The following DUS2 variants were observed in gnomAD, a reference collection of about 807,000 sequenced individuals.
The protein encoded by DUS2 is tRNA-dihydrouridine(20) synthase [NAD(P)+]-like.
In DUS2, 52 loss-of-function variants were observed where a neutral mutation model predicts 71.3. The observed-to-expected ratio is 0.73, with a 90% CI of 0.58 to 0.92. The LOEUF (loss-of-function observed/expected upper bound fraction) is 0.92, where lower values mean the gene tolerates loss of function less well. Ranked by LOEUF, DUS2 falls within the 40% of genes least tolerant of loss-of-function variation. The pLI, the probability that DUS2 is intolerant of heterozygous loss-of-function variation, is 0.00. For missense variants in DUS2, 558 were observed against 622.6 expected (o/e 0.90, Z 1.10); for synonymous variants, 204 against 227.8 (o/e 0.90, Z 0.94).
At chr16:68,069,605 A>G (rs2034056003) in intron 10 of DUS2, among the ~76,000 whole-genome samples, 1 of 152,154 alleles carries the variant, frequency 6.6e-6, no homozygotes, top group African/African-American at 2.4e-5. Context: ...GTGGTGTGGC[A>G]GCCATGGTCC....
intron 4 of DUS2, among the ~76,000 whole-genome samples, chr16:68,050,200 C>T (rs937744514): frequency 1.1e-4 from 16 of 152,064 alleles, no homozygotes; most frequent in South Asian, 4.2e-4. Flanking sequence ...TGCAACGGCG[C>T]GGTCTTGGTT....
chr16:68,062,919 AGGGT>A (rs1237937358), intron 8 of DUS2, among the ~76,000 whole-genome samples: 1 of 152,118 alleles, frequency 6.6e-6, no homozygotes, highest in Non-Finnish European at 1.5e-5. Context: ...ACTTGTGTGC[AGGGT>A]GGAGTGGAAG....
chr16:68,055,580 C>T (rs1415770602), intron 6 of DUS2, among the ~76,000 whole-genome samples: 1 of 152,080 alleles, frequency 6.6e-6, no homozygotes. Flanking sequence ...GTTGCTTAAC[C>T]TCAATGAGAA....
intron 2 of DUS2, among the ~76,000 whole-genome samples, chr16:68,035,690 CTCT>C (rs1225221974): frequency 6.8e-6 from 1 of 147,462 alleles, no homozygotes; most frequent in African/African-American, 2.5e-5. Flanking sequence ...TGCCTGGTCT[CTCT>C]TCTTCATTCT....
At chr16:68,032,505 C>A (rs1382539420) in intron 2 of DUS2, among the ~76,000 whole-genome samples, 1 of 152,134 alleles carries the variant, frequency 6.6e-6, no homozygotes, top group Non-Finnish European at 1.5e-5. Context: ...AGCATGGGAC[C>A]AGGGACCTGA....
At chr16:68,032,282 TCA>T (rs1456481776) in intron 2 of DUS2, among the ~76,000 whole-genome samples, 2 of 152,140 alleles carry the variant, frequency 1.3e-5, no homozygotes, top group Non-Finnish European at 2.9e-5. Context: ...TGGTAAGTAT[TCA>T]GTCACACCTT....
intron 5 of DUS2, 120 bp downstream of exon 5, chr16:68,053,775 C>A: frequency 1.1e-6 from 1 of 943,006 alleles, no homozygotes; most frequent in South Asian, 1.5e-5. Flanking sequence ...CGATGGCTTC[C>A]TGAAGATTCT....
At chr16:68,047,220 T>C (rs970412788) in intron 3 of DUS2, among the ~76,000 whole-genome samples, 3 of 150,806 alleles carry the variant, frequency 2.0e-5, no homozygotes, top group Admixed American at 6.6e-5. Context: ...CACGCCTGAC[T>C]AATTTTTGTA....
intron 2 of DUS2, among the ~76,000 whole-genome samples, chr16:68,034,039 A>G (rs1567469405): frequency 6.6e-6 from 1 of 151,392 alleles, no homozygotes; most frequent in Non-Finnish European, 1.5e-5. Context: ...AAGTGTTGGG[A>G]TTATAGGCGT....
At chr16:68,033,485 T>A in intron 2 of DUS2, among the ~76,000 whole-genome samples, 1 of 151,582 alleles carries the variant, frequency 6.6e-6, no homozygotes. Context: ...ATTTAAAAAT[T>A]AAAAAAAAAT....
intron 6 of DUS2, 76 bp from the exon 7 acceptor site, chr16:68,056,288 C>T (rs1405339514): frequency 2.4e-6 from 3 of 1,270,862 alleles, no homozygotes; most frequent in Non-Finnish European, 3.4e-6. Context: ...TGAGCACAGG[C>T]CCATCCATGC....
chr16:68,065,491 C>T (rs2033993041), intron 8 of DUS2, among the ~76,000 whole-genome samples: 1 of 151,794 alleles, frequency 6.6e-6, no homozygotes, highest in African/African-American at 2.4e-5. Flanking sequence ...GAGTTCGAGA[C>T]CAGCCTGGCC....
At chr16:68,059,390 T>G (rs2033907455) in intron 7 of DUS2, among the ~76,000 whole-genome samples, 1 of 152,142 alleles carries the variant, frequency 6.6e-6, no homozygotes, top group African/African-American at 2.4e-5. Context: ...GAGAAAGCTA[T>G]TATTGTGGAA....
At chr16:68,025,701 T>C (rs1408495817) in intron 2 of DUS2, among the ~76,000 whole-genome samples, 1 of 152,120 alleles carries the variant, frequency 6.6e-6, no homozygotes, top group Non-Finnish European at 1.5e-5. Context: ...CCTACCTTTT[T>C]TCCCCCTCAC....
chr16:68,078,333 A>C, intron 15 of DUS2, 112 bp from the exon 16 acceptor site: 1 of 1,032,392 alleles, frequency 9.7e-7, no homozygotes. Context: ...GGCAGCCTTC[A>C]TTTGACTTAG....
At chr16:68,062,513 A>C (rs1372126591) in intron 8 of DUS2, among the ~76,000 whole-genome samples, 1 of 151,784 alleles carries the variant, frequency 6.6e-6, no homozygotes, top group African/African-American at 2.4e-5. Context: ...AGGTCAGGAG[A>C]TCGAGACCAT....
chr16:68,065,822 G>A (rs1300488469), intron 8 of DUS2, among the ~76,000 whole-genome samples: 3 of 147,500 alleles, frequency 2.0e-5, no homozygotes, highest in Non-Finnish European at 3.0e-5. Flanking sequence ...TTTTTTAGCC[G>A]TGTGTTCTTA....
chr16:68,069,462 C>T (rs765841102), intron 10 of DUS2, among the ~76,000 whole-genome samples: 10 of 152,174 alleles, frequency 6.6e-5, no homozygotes, highest in Admixed American at 3.3e-4. Flanking sequence ...TCTGGTCGAC[C>T]GTCTTGCTTG....
At position 68,067,606 on chromosome 16, in the gene DUS2, C is replaced by G. The variant is rs145883005; in HGVS notation, c.554+970C>G. 1.8e-3 allele frequency among the ~76,000 whole-genome samples: 276 copies of G among 151,792 alleles called. 4 individuals carry two copies. The highest frequency in any genetic ancestry group is 6.3e-3 in the African/African-American group (260 of 41,406). On this transcript the variant is annotated intron_variant, in intron 10 of 16. Transcript: ENST00000565263. ...CTCATTTTCTTTCTATTATATTGAG[C>G]AATGACTTCTCCCTTGAATAATCCC...
Sources: gnomAD v4.1 joint callset for allele counts (sites outside exome capture counted in the v4.1 genomes callset) on GRCh38, gnomAD v4.1.1 for gene constraint, MANE v1.5 for transcripts, NCBI Gene and HGNC (gene_info 2026-07-23, HGNC 2026-07-21) for gene names.